Variants in SMOC2 observed in about 807,000 individuals in gnomAD.
SMOC2 encodes SPARC-related modular calcium-binding protein 2.
In SMOC2, 39 loss-of-function variants were observed where a neutral mutation model predicts 61.4. The ratio of observed to expected loss-of-function variants is 0.64; its 90% confidence interval spans 0.49 to 0.83. The LOEUF (loss-of-function observed/expected upper bound fraction) is 0.83. Ranked by LOEUF, SMOC2 falls within the 40% of genes least tolerant of loss-of-function variation. SMOC2 has a pLI of 0.00. For missense variants in SMOC2, 556 were observed against 592.9 expected, an observed-to-expected ratio of 0.94 and a Z score of 0.65; for synonymous variants, 247 against 239.9, an observed-to-expected ratio of 1.03 and a Z score of -0.27.
chr6:168,607,981 G>A (rs1785754882), intron 8 of SMOC2, among the ~76,000 whole-genome samples, 176 bp from the exon 9 acceptor site: 1 of 152,208 alleles, frequency 6.6e-6, no homozygotes, highest in African/African-American at 2.4e-5. Flanking sequence ...AGCTTTCTAT[G>A]CCAAATATCC....
chr6:168,452,683 A>ATTAT lies in SMOC2; in HGVS notation c.84+11232_84+11233insTTTA, dbSNP rs1274201241. On this transcript the variant is annotated intron_variant, in intron 1 of 12. Transcript: ENST00000356284. This position sits in a 1 kb window ranked among gnomAD's most constrained non-coding sequence, Gnocchi z 5.0. Reference sequence around the variant, plus strand: ...AATCTGAAGGAAATTTTGAAAAATCATTAGCAGCTGTCATTTAGATTTGTA... The same window carrying ATTAT: ...AATCTGAAGGAAATTTTGAAAAATCATTATTTAGCAGCTGTCATTTAGATTTGTA... 6.6e-6 allele frequency among the ~76,000 whole-genome samples: 1 copy of ATTAT among 152,330 alleles called. No individual in the cohort carries two copies. The highest frequency in any genetic ancestry group is 1.9e-4 in the East Asian group (1 of 5,188).
At chr6:168,482,550 T>C (rs1001222677) in intron 1 of SMOC2, among the ~76,000 whole-genome samples, 28 of 152,078 alleles carry the variant, frequency 1.8e-4, no homozygotes, top group African/African-American at 6.8e-4. Flanking sequence ...TCTAATTCTT[T>C]GTATGAGGCC....
intron 1 of SMOC2, among the ~76,000 whole-genome samples, chr6:168,464,359 T>C (rs1465048349): frequency 6.6e-6 from 1 of 152,098 alleles, no homozygotes; most frequent in African/African-American, 2.4e-5. Flanking sequence ...GGAGACTGGC[T>C]TTTGGATGAC....
intron 11 of SMOC2, among the ~76,000 whole-genome samples, chr6:168,656,192 T>C (rs1166724718): frequency 2.6e-5 from 4 of 152,100 alleles, no homozygotes; most frequent in African/African-American, 9.7e-5. Context: ...GACTGTGTTG[T>C]GGAGGGCTGA....
chr6:168,623,677 G>T (rs1312123259), intron 9 of SMOC2, among the ~76,000 whole-genome samples: 3 of 150,340 alleles, frequency 2.0e-5, no homozygotes, highest in Non-Finnish European at 4.4e-5. Flanking sequence ...GGGTGCAGTG[G>T]CTCATGCCTG....
At chr6:168,564,420 A>T (rs575006694) in intron 7 of SMOC2, among the ~76,000 whole-genome samples, 1 of 152,258 alleles carries the variant, frequency 6.6e-6, no homozygotes, top group Non-Finnish European at 1.5e-5. Context: ...AACACTTCAG[A>T]CTTTATGACA....
chr6:168,658,502 C>A (rs1787383198), intron 11 of SMOC2, among the ~76,000 whole-genome samples: 1 of 152,076 alleles, frequency 6.6e-6, no homozygotes, highest in Non-Finnish European at 1.5e-5. Flanking sequence ...TTGAGTAGCA[C>A]CTGAAACGTA....
chr6:168,600,357 A>G (rs963745001), intron 8 of SMOC2, among the ~76,000 whole-genome samples: 18 of 141,564 alleles, frequency 1.3e-4, no homozygotes, highest in Non-Finnish European at 2.3e-4. Flanking sequence ...CAGTGAGCCA[A>G]GATCACACCA....
In SMOC2 at chr6:168,599,444, C is replaced by T. The variant is rs114328159; in HGVS notation, c.824+440C>T. 3.0e-3 allele frequency among the ~76,000 whole-genome samples: 391 copies of T among 129,016 alleles called. 4 individuals are homozygous for T. The highest frequency in any genetic ancestry group is 0.011 in the African/African-American group (349 of 32,700). 84.6% of individuals were successfully genotyped at this position (129,016 alleles called of 152,430 possible). On this transcript the variant is annotated intron_variant, in intron 8 of 12. Coordinates refer to ENST00000356284, the MANE Select transcript of SMOC2 (RefSeq NM_001166412.2). ...CCCCCCACACCCACACTCACACACA[C>T]ATTCGTACCCCCACACACCCACTCA...
At chr6:168,599,211 T>TA (rs1785425679) in intron 8 of SMOC2, among the ~76,000 whole-genome samples, 1 of 103,082 alleles carries the variant, frequency 9.7e-6, no homozygotes, top group Non-Finnish European at 2.0e-5. Flanking sequence ...CACACACTCA[T>TA]ACCCACACAC....
chr6:168,476,741 A>G (rs1224350444), intron 1 of SMOC2, among the ~76,000 whole-genome samples: 6 of 152,142 alleles, frequency 3.9e-5, no homozygotes, highest in African/African-American at 1.2e-4. Flanking sequence ...AATATTGCAG[A>G]GAACAACATT....
intron 9 of SMOC2, among the ~76,000 whole-genome samples, chr6:168,621,930 G>A (rs896960604): frequency 4.6e-5 from 7 of 152,074 alleles, no homozygotes. Context: ...CAGCAGAATA[G>A]CATTGTTGTC....
intron 1 of SMOC2, among the ~76,000 whole-genome samples, chr6:168,459,983 T>TAC (rs985749388): frequency 8.9e-4 from 136 of 152,304 alleles, no homozygotes; most frequent in African/African-American, 2.8e-3. Flanking sequence ...CTTCAAGTGA[T>TAC]AGGCTTCAAA....
intron 6 of SMOC2, among the ~76,000 whole-genome samples, chr6:168,548,644 G>T (rs10945512): frequency 0.27 from 40,341 of 151,782 alleles, 5,466 homozygotes; most frequent in South Asian, 0.35. Flanking sequence ...GGGATTAACA[G>T]GTGTGAGCCA....
At chr6:168,616,994 G>A (rs755828722) in intron 9 of SMOC2, among the ~76,000 whole-genome samples, 11 of 152,218 alleles carry the variant, frequency 7.2e-5, no homozygotes, top group Non-Finnish European at 1.2e-4. Context: ...TTTCTCCTGG[G>A]AAAGAAAGTG....
chr6:168,493,870 T>C (rs1305134971), intron 1 of SMOC2, among the ~76,000 whole-genome samples: 3 of 152,256 alleles, frequency 2.0e-5, no homozygotes, highest in Non-Finnish European at 2.9e-5. Context: ...TTATCTTTTC[T>C]ATTTTAATTG....
chr6:168,641,483 C>T lies in SMOC2; in HGVS notation c.908-9198C>T, dbSNP rs188795009. On this transcript the variant is annotated intron_variant, in intron 9 of 12. Coordinates refer to ENST00000356284, the MANE Select transcript of SMOC2 (RefSeq NM_001166412.2). ...TTTTAAAAATGGTTGAATGACATAA[C>T]GTTGTCCTTGAGAAATGTAGGAAGA... 1.8e-3 allele frequency among the ~76,000 whole-genome samples: 281 copies of T among 152,300 alleles called. 1 individual carries two copies. The highest frequency in any genetic ancestry group is 6.4e-3 in the African/African-American group (268 of 41,568).
rs144438041 is a variant in SMOC2 at position 168,595,341 on chromosome 6, G to A, written c.638-3477G>A. 3.1e-3 allele frequency among the ~76,000 whole-genome samples: 477 copies of A among 152,226 alleles called. 6 individuals carry two copies. Among genetic ancestry groups the A allele is most frequent in the South Asian group, 0.015 (73 of 4,822 alleles). On this transcript the variant is annotated intron_variant, in intron 7 of 12. Transcript: ENST00000356284. Reference sequence around the variant, plus strand: ...CGCCTCCCCAAGACGGAAATCTCCCGTGCTGTGGTGACACAGGACCTGTCA... The same window carrying A: ...CGCCTCCCCAAGACGGAAATCTCCCATGCTGTGGTGACACAGGACCTGTCA...
At chr6:168,643,876 G>A (rs947679093) in intron 9 of SMOC2, among the ~76,000 whole-genome samples, 1 of 152,178 alleles carries the variant, frequency 6.6e-6, no homozygotes, top group African/African-American at 2.4e-5. Context: ...AGCTGCATGA[G>A]GGTGACATGC....
Sources: gnomAD v4.1 joint callset for allele counts (sites outside exome capture counted in the v4.1 genomes callset) on GRCh38, gnomAD v4.1.1 for gene constraint, Gnocchi (gnomAD v3.1) non-coding constraint, MANE v1.5 for transcripts, NCBI Gene and HGNC (gene_info 2026-07-23, HGNC 2026-07-21) for gene names.